STT3B: variants seen among roughly 807,000 people sequenced by gnomAD.
STT3B encodes STT3 oligosaccharyltransferase complex catalytic subunit B, also known as dolichyl-diphosphooligosaccharide--protein glycosyltransferase subunit STT3B.
In STT3B, 29 loss-of-function variants were observed where a neutral mutation model predicts 96.8. The observed-to-expected ratio is 0.30, with a 90% CI of 0.22 to 0.41. The LOEUF (loss-of-function observed/expected upper bound fraction) is 0.41, where lower values mean the gene tolerates loss of function less well. Among genes scored for constraint, STT3B ranks in the 10% least tolerant of loss-of-function variants. STT3B has a pLI of 1.00. For synonymous variants in STT3B, 367 were observed against 360.0 expected (o/e 1.02, Z -0.22); for missense variants, 640 against 1,022.3 (o/e 0.63, Z 5.10).
chr3:31,602,660 A>AT (rs11316900), intron 5 of STT3B, among the ~76,000 whole-genome samples: 2,194 of 125,044 alleles, frequency 0.018, 34 homozygotes, highest in African/African-American at 0.038. Flanking sequence ...GGTAGCTGGG[A>AT]TTTTTTTTTT....
intron 5 of STT3B, among the ~76,000 whole-genome samples, chr3:31,601,392 T>C (rs149586567): frequency 1.4e-3 from 209 of 152,344 alleles, no homozygotes; most frequent in Non-Finnish European, 2.6e-3. Context: ...AATACTGATA[T>C]ATGCTACAAC....
rs772991104 is a variant in STT3B, at chr3:31,629,343, G to C, written c.2119G>C (p.Ala707Pro). The C allele has an allele frequency of 2.9e-5, 47 of 1,611,018 alleles. No homozygotes were observed. Among genetic ancestry groups the C allele is most frequent in the Non-Finnish European group, 3.8e-5 (45 of 1,178,572 alleles). The change falls in exon 14 of 16, where the codon GCA (alanine) becomes CCA (proline). Residue 707 changes from alanine (A) to proline (P), a missense_variant. Transcript: ENST00000295770. ...ACAGGGAGAATTCCGTGTAGACAAAGCAGGATCCCCTACTTTGTTGAATTG... is the reference window on the plus strand; with the variant it reads ...ACAGGGAGAATTCCGTGTAGACAAACCAGGATCCCCTACTTTGTTGAATTG... The part of the protein sequence containing the change: ...TPQGEFRVDK[A>P]GSPTLLNCLM...
chr3:31,602,348 G>T (rs1698946695), intron 5 of STT3B, among the ~76,000 whole-genome samples: 1 of 151,912 alleles, frequency 6.6e-6, no homozygotes. Flanking sequence ...AACTAAGAGG[G>T]TGTTTTGTTG....
chr3:31,561,718 T>A (rs1697883796), intron 1 of STT3B, among the ~76,000 whole-genome samples: 1 of 152,228 alleles, frequency 6.6e-6, no homozygotes, highest in East Asian at 1.9e-4. Context: ...CTTTTTTATG[T>A]TTCCTGTGTT....
intron 1 of STT3B, among the ~76,000 whole-genome samples, chr3:31,557,900 G>C (rs1361199646): frequency 8.5e-5 from 13 of 152,230 alleles, no homozygotes; most frequent in African/African-American, 3.1e-4. Context: ...AAAGTGTTGG[G>C]ATTACAGGCG....
intron 3 of STT3B, among the ~76,000 whole-genome samples, chr3:31,587,749 A>C (rs1002435926): frequency 2.0e-5 from 3 of 152,142 alleles, no homozygotes; most frequent in Non-Finnish European, 4.4e-5. Context: ...TACATTTTAA[A>C]CATTTATAAA....
chr3:31,616,798 G>A, intron 6 of STT3B, 131 bp from the exon 7 acceptor site: 1 of 700,946 alleles, frequency 1.4e-6, no homozygotes, highest in Non-Finnish European at 2.2e-6. Context: ...CAAAGGAAAT[G>A]TTGGCTAGAT....
At chr3:31,555,873 GTATT>G (rs1697694982) in intron 1 of STT3B, among the ~76,000 whole-genome samples, 2 of 152,100 alleles carry the variant, frequency 1.3e-5, no homozygotes, top group Non-Finnish European at 2.9e-5. Flanking sequence ...TCCATCTTGA[GTATT>G]TATTATTTCT....
chr3:31,630,782 G>GT (rs1160040770), intron 14 of STT3B, among the ~76,000 whole-genome samples: 1 of 133,106 alleles, frequency 7.5e-6, no homozygotes, highest in East Asian at 2.2e-4. Flanking sequence ...GTTTTACCGT[G>GT]TTTTTTTGTG....
At chr3:31,591,100 C>T (rs1306877586) in intron 3 of STT3B, among the ~76,000 whole-genome samples, 1 of 152,010 alleles carries the variant, frequency 6.6e-6, no homozygotes, top group Non-Finnish European at 1.5e-5. Context: ...CTCTCAGAAA[C>T]TGTTTCTTCT....
chr3:31,551,255 A>G (rs9877167), intron 1 of STT3B, among the ~76,000 whole-genome samples: 139,793 of 151,850 alleles, frequency 0.92, 64,516 homozygotes, highest in East Asian at 0.96. Context: ...TTGTTCTGTC[A>G]CCCACAGTGG....
intron 11 of STT3B, 72 bp downstream of exon 11, chr3:31,623,933 TAAAAA>T: frequency 7.9e-7 from 1 of 1,262,106 alleles, no homozygotes; most frequent in South Asian, 1.7e-5. Flanking sequence ...AGGATATAAT[TAAAAA>T]ATAGAATGTT....
intron 1 of STT3B, among the ~76,000 whole-genome samples, chr3:31,571,137 A>T (rs1049317043): frequency 6.6e-6 from 1 of 152,182 alleles, no homozygotes; most frequent in African/African-American, 2.4e-5. Flanking sequence ...AGGTATTGCT[A>T]TGTCTTCTGA....
At chr3:31,570,290 TATGAG>T (rs1235951645) in intron 1 of STT3B, among the ~76,000 whole-genome samples, 5 of 152,176 alleles carry the variant, frequency 3.3e-5, no homozygotes, top group African/African-American at 1.2e-4. Context: ...TGCCAGAAAC[TATGAG>T]ATAACTCCAA....
chr3:31,609,563 C>A (rs533690679), intron 5 of STT3B, among the ~76,000 whole-genome samples: 1 of 152,230 alleles, frequency 6.6e-6, no homozygotes, highest in South Asian at 2.1e-4. Flanking sequence ...GTACCAGATA[C>A]ACTTGCTGAG....
chr3:31,550,656 G>A (rs7613568), intron 1 of STT3B, among the ~76,000 whole-genome samples: 1,779 of 152,226 alleles, frequency 0.012, 37 homozygotes, highest in African/African-American at 0.041. Flanking sequence ...AATCATATTA[G>A]GCTTGAGCAT....
In STT3B at chr3:31,578,668, C is replaced by T. The variant is rs149381678; in HGVS notation, c.424-1141C>T. Reference sequence around the variant, plus strand: ...TTGAGAATGTGGATGAATTATCATGCTTTTTTTTCCTCCCCCTCCCCCTTT... The same window carrying T: ...TTGAGAATGTGGATGAATTATCATGTTTTTTTTTCCTCCCCCTCCCCCTTT... On this transcript the variant is annotated intron_variant, in intron 2 of 15. Coordinates refer to ENST00000295770, the MANE Select transcript of STT3B (RefSeq NM_178862.3). Among the ~76,000 whole-genome samples the T allele has an allele frequency of 4.6e-3, 701 of 151,528 alleles. 4 individuals carry two copies. The highest frequency in any genetic ancestry group is 0.016 in the African/African-American group (650 of 41,312).
intron 1 of STT3B, among the ~76,000 whole-genome samples, chr3:31,566,820 A>G (rs1461066703): frequency 6.6e-6 from 1 of 151,958 alleles, no homozygotes. Context: ...GTTTGTGTTT[A>G]TTGTATTTAA....
chr3:31,616,001 G>A (rs1257505824), intron 6 of STT3B, among the ~76,000 whole-genome samples: 1 of 151,922 alleles, frequency 6.6e-6, no homozygotes, highest in Non-Finnish European at 1.5e-5. Context: ...ATGTAGGGGA[G>A]AAAAGATTGT....
Sources: allele counts gnomAD v4.1 joint callset (sites outside exome capture counted in the v4.1 genomes callset), GRCh38; gene constraint gnomAD v4.1.1; transcripts MANE v1.5; gene names NCBI Gene and HGNC (gene_info 2026-07-23, HGNC 2026-07-21).